RIT2: variants seen among roughly 807,000 people sequenced by gnomAD.
The protein encoded by RIT2 is Ras like without CAAX 2.
A neutral mutation model predicts 23.7 loss-of-function variants in RIT2; 24 were observed. That is an observed-to-expected ratio of 1.01 (90% confidence interval 0.73 to 1.43). The LOEUF (loss-of-function observed/expected upper bound fraction) is 1.43, where lower values mean the gene tolerates loss of function less well. Among genes scored for constraint, RIT2 ranks in the 40% most tolerant of loss-of-function variants. The probability of loss-of-function intolerance (pLI) is 0.00; values close to 1 mark genes in which losing one functional copy is unlikely to be tolerated. For synonymous variants in RIT2, 107 were observed against 91.1 expected (o/e 1.17, Z -0.99); for missense variants, 236 against 266.9 (o/e 0.88, Z 0.81).
At chr18:42,876,248 T>C (rs945519364) in intron 4 of RIT2, among the ~76,000 whole-genome samples, 12 of 151,950 alleles carry the variant, frequency 7.9e-5, no homozygotes, top group African/African-American at 2.7e-4. Context: ...CAATATTACA[T>C]AATTCATGTA....
At chr18:42,971,145 T>C (rs1021104193) in intron 3 of RIT2, among the ~76,000 whole-genome samples, 3 of 151,992 alleles carry the variant, frequency 2.0e-5, no homozygotes, top group African/African-American at 7.2e-5. Context: ...CAACATACAT[T>C]GAAAATTAAT....
intron 4 of RIT2, among the ~76,000 whole-genome samples, chr18:42,767,665 C>T (rs1363401697): frequency 1.3e-5 from 2 of 152,060 alleles, no homozygotes; most frequent in Non-Finnish European, 2.9e-5. Flanking sequence ...GGAGGGGCCA[C>T]GGGTGGAATG....
intron 4 of RIT2, among the ~76,000 whole-genome samples, chr18:42,910,937 A>ATGTTT (rs1908754094): frequency 1.3e-5 from 2 of 152,164 alleles, no homozygotes; most frequent in Non-Finnish European, 2.9e-5. Context: ...ATTAAACAAC[A>ATGTTT]AGATCTACTG....
At chr18:42,933,483 C>T (rs959572544) in intron 3 of RIT2, among the ~76,000 whole-genome samples, 3 of 152,044 alleles carry the variant, frequency 2.0e-5, no homozygotes, top group Admixed American at 2.0e-4. Context: ...CTGGAAGGGA[C>T]CTGGTGAGAG....
chr18:42,804,561 T>TAAAAAAAAAAAAAAAA (rs564202513), intron 4 of RIT2, among the ~76,000 whole-genome samples: 3 of 52,830 alleles, frequency 5.7e-5, no homozygotes, highest in South Asian at 7.3e-4. Flanking sequence ...GCCTCAAAAC[T>TAAAAAAAAAAAAAAAA]AAAAAAAAAA....
chr18:42,764,738 A>G (rs1242014674), intron 4 of RIT2, among the ~76,000 whole-genome samples: 6 of 152,382 alleles, frequency 3.9e-5, no homozygotes, highest in South Asian at 2.1e-4. Flanking sequence ...GGATTCACAA[A>G]GTCACAGCAT....
intron 4 of RIT2, among the ~76,000 whole-genome samples, chr18:42,888,784 C>A (rs925948074): frequency 6.6e-6 from 1 of 152,028 alleles, no homozygotes; most frequent in African/African-American, 2.4e-5. Context: ...CTGGAAGCCA[C>A]AATCCTAAGT....
chr18:42,994,814 C>T (rs1910940677), intron 2 of RIT2, among the ~76,000 whole-genome samples: 1 of 152,158 alleles, frequency 6.6e-6, no homozygotes, highest in Non-Finnish European at 1.5e-5. Context: ...CTACAGCTCT[C>T]ATAATTTCCA....
At chr18:42,972,624 C>T (rs1945005) in intron 3 of RIT2, among the ~76,000 whole-genome samples, 27,076 of 151,544 alleles carry the variant, frequency 0.18, 2,664 homozygotes, top group Middle Eastern at 0.23. Flanking sequence ...TGTATTTCCC[C>T]CCTTTCTTAA....
intron 1 of RIT2, among the ~76,000 whole-genome samples, chr18:43,103,931 G>A (rs1435350271): frequency 2.0e-5 from 3 of 152,108 alleles, no homozygotes; most frequent in Non-Finnish European, 4.4e-5. Context: ...TCCCACTACT[G>A]GGTATTTATC....
chr18:42,816,763 A>G (rs910913642), intron 4 of RIT2, among the ~76,000 whole-genome samples: 1 of 152,190 alleles, frequency 6.6e-6, no homozygotes, highest in Non-Finnish European at 1.5e-5. Context: ...GGACTCCATT[A>G]TAGGATAAAA....
chr18:42,852,160 A>C (rs1907070635), intron 4 of RIT2, among the ~76,000 whole-genome samples: 1 of 152,244 alleles, frequency 6.6e-6, no homozygotes, highest in African/African-American at 2.4e-5. Context: ...AGCTATTAAA[A>C]TACAAAGTGT....
chr18:42,992,131 G>T (rs868262425), intron 2 of RIT2, among the ~76,000 whole-genome samples: 1 of 111,754 alleles, frequency 8.9e-6, no homozygotes, highest in African/African-American at 3.3e-5. Flanking sequence ...TTCACTATGG[G>T]CAAACTTCCA....
In RIT2 at chr18:42,974,064, C is replaced by T. The variant is rs746738976; in HGVS notation, c.234+10G>A. On this transcript the variant is annotated intron_variant, in intron 3 of 4. Transcript: ENST00000326695. ...CTCAGAGATTGGAGAGGTTTAAGAA[C>T]ATCACCTACCTGGCCAGCAGTGTCC... 5 of 1,600,174 alleles carry T rather than the reference C, an allele frequency of 3.1e-6. No homozygotes were observed. In the Admixed American group the frequency reaches 5.0e-5, roughly 16 times the overall value.
intron 4 of RIT2, among the ~76,000 whole-genome samples, chr18:42,751,894 T>A (rs1913054999): frequency 6.6e-6 from 1 of 152,068 alleles, no homozygotes; most frequent in Non-Finnish European, 1.5e-5. Flanking sequence ...ATACCAAAAG[T>A]GAAAGCATAC....
chr18:42,927,136 A>T (rs563614315), intron 3 of RIT2, among the ~76,000 whole-genome samples: 9 of 152,100 alleles, frequency 5.9e-5, no homozygotes, highest in African/African-American at 2.2e-4. Flanking sequence ...TTTCACTGGG[A>T]GAACAGGCAT....
chr18:42,953,066 T>C lies in RIT2; in HGVS notation c.234+21008A>G, dbSNP rs576212486. Among the ~76,000 whole-genome samples the C allele has an allele frequency of 9.9e-5, 15 of 152,054 alleles. No homozygotes were observed. The South Asian group carries it at 2.9e-3, about 30-fold the overall frequency. ...AAAACTACATTGTAGTTTTCTTCAATCTACAAAATCAGTCTCATTCATTTG... is the reference window on the plus strand; with the variant it reads ...AAAACTACATTGTAGTTTTCTTCAACCTACAAAATCAGTCTCATTCATTTG... On this transcript the variant is annotated intron_variant, in intron 3 of 4. Coordinates refer to ENST00000326695, the MANE Select transcript of RIT2 (RefSeq NM_002930.4).
intron 2 of RIT2, among the ~76,000 whole-genome samples, chr18:43,019,924 A>T (rs769007377): frequency 6.6e-6 from 1 of 152,014 alleles, no homozygotes; most frequent in Non-Finnish European, 1.5e-5. Flanking sequence ...CAAGGATTCA[A>T]TCCCATCTAC....
chr18:42,749,727 C>G (rs1913001995), intron 4 of RIT2, among the ~76,000 whole-genome samples: 1 of 151,716 alleles, frequency 6.6e-6, no homozygotes, highest in African/African-American at 2.4e-5. Flanking sequence ...GGAATAATTT[C>G]TACCAAAATA....
Sources: gnomAD v4.1 joint callset for allele counts (sites outside exome capture counted in the v4.1 genomes callset) on GRCh38, gnomAD v4.1.1 for gene constraint, MANE v1.5 for transcripts, NCBI Gene and HGNC (gene_info 2026-07-23, HGNC 2026-07-21) for gene names.